SLC66A1: variants seen among roughly 807,000 people sequenced by gnomAD.
The protein encoded by SLC66A1 is lysosomal amino acid transporter 1 homolog.
SLC66A1 carries 23 observed loss-of-function variants against 33.0 expected under a neutral mutation model. The ratio of observed to expected loss-of-function variants is 0.70; its 90% CI spans 0.50 to 0.99. The LOEUF (loss-of-function observed/expected upper bound fraction) is 0.99, where lower values mean the gene tolerates loss of function less well. Ranked by LOEUF, SLC66A1 falls within the 50% of genes least tolerant of loss-of-function variation. The pLI, the probability that SLC66A1 is intolerant of heterozygous loss-of-function variation, is 0.00. For missense variants in SLC66A1, 335 were observed against 383.6 expected (o/e 0.87, Z 1.06); for synonymous variants, 164 against 175.5 (o/e 0.93, Z 0.52).
In SLC66A1 at chr1:19,321,279, A is replaced by G. The variant is rs573710234; in HGVS notation, c.165-3354A>G. 2.8e-5 allele frequency among the ~76,000 whole-genome samples: 4 copies of G among 142,534 alleles called. No individual in the cohort carries two copies. The Admixed American group carries it at 2.9e-4, about 10-fold the overall frequency. The allele number at this position is 142,534 out of a possible 152,430, so 93.5% of individuals were successfully genotyped here. On this transcript the variant is annotated intron_variant, in intron 2 of 7. Coordinates refer to ENST00000375153, the MANE Select transcript of SLC66A1 (RefSeq NM_001040125.2). ...CAACCTTGACCTTCTGCGCTCAAGC[A>G]GTCCTCCCACCTCAGCCTCTTGAGT...
chr1:19,318,829 A>G (rs1241867148), intron 2 of SLC66A1, among the ~76,000 whole-genome samples: 1 of 151,496 alleles, frequency 6.6e-6, no homozygotes, highest in African/African-American at 2.4e-5. Flanking sequence ...AAAAGAAGGG[A>G]GTTGGAGGTG....
At chr1:19,327,741 AC>A (rs1292353587) in intron 7 of SLC66A1, 1 of 476,358 alleles carries the variant, frequency 2.1e-6, no homozygotes, top group African/African-American at 3.2e-5. Context: ...GCAGAGAAAA[AC>A]AACAAGAGCG....
chr1:19,327,751 C>T (rs1054396480), intron 7 of SLC66A1: 77 of 467,078 alleles, frequency 1.6e-4, no homozygotes, highest in Non-Finnish European at 1.5e-4. Context: ...ACAACAAGAG[C>T]GTCTAGCCAG....
chr1:19,322,868 A>G (rs1453721621), intron 2 of SLC66A1, among the ~76,000 whole-genome samples: 1 of 146,626 alleles, frequency 6.8e-6, no homozygotes, highest in Non-Finnish European at 1.5e-5. Context: ...TTAGTTTTTT[A>G]TTTGTTATTA....
rs2093783542 is a variant in SLC66A1 at position 19,312,725 on chromosome 1, A to G, written c.-243A>G. 6.6e-6 allele frequency: 1 copy of G among 152,638 alleles called. No individual in the cohort carries two copies. The highest frequency in any genetic ancestry group is 1.5e-5 in the Non-Finnish European group (1 of 68,072). 9.5% of individuals were successfully genotyped at this position (152,638 alleles called of 1,614,324 possible). On this transcript the variant is annotated 5_prime_UTR_variant, in exon 1 of 8. Transcript: ENST00000375153. ...AGCTGTCCTATCATTATCCCTCCAA[A>G]CAGGCGGCCCGCGCCGGGCTGAGTC...
Position 19,325,562 on chromosome 1 carries a change from T to G in SLC66A1, c.362T>G (p.Phe121Cys). ...CTGACGCTGTACTTTTACTACAAGT[T>G]CAGGACGCGCCCCTCTCTGTGTGAG... ...VMLTLYFYYKFRTRPSLLSAP... is the reference protein window; with the variant it reads ...VMLTLYFYYKCRTRPSLLSAP... The change falls in exon 4 of 8, where the codon TTC (phenylalanine) becomes TGC (cysteine). Residue 121 changes from phenylalanine (F) to cysteine (C), a missense_variant. By Grantham distance (205) the Phe-to-Cys change is radical. Transcript: ENST00000375153. 1.2e-6 allele frequency: 2 copies of G among 1,603,708 alleles called. No homozygotes were observed. The highest frequency in any genetic ancestry group is 1.7e-6 in the Non-Finnish European group (2 of 1,172,236).
chr1:19,327,748 G>A, intron 7 of SLC66A1: 1 of 473,838 alleles, frequency 2.1e-6, no homozygotes, highest in East Asian at 5.5e-5. Flanking sequence ...AAAACAACAA[G>A]AGCGTCTAGC....
intron 7 of SLC66A1, 147 bp downstream of exon 7, chr1:19,327,559 CTG>C: frequency 9.8e-7 from 1 of 1,016,108 alleles, no homozygotes; most frequent in Non-Finnish European, 1.5e-6. Context: ...CTCCCTCCAT[CTG>C]TTCACCCAGT....
In SLC66A1 at chr1:19,326,401, G is replaced by A. The variant is rs539108315; in HGVS notation, c.525+14G>A. The A allele has an allele frequency of 6.1e-5, 98 of 1,605,776 alleles. No homozygotes were observed. The highest frequency in any genetic ancestry group is 4.9e-4 in the South Asian group (44 of 90,468). On this transcript the variant is annotated intron_variant, in intron 5 of 7. Transcript: ENST00000375153. ...TCGGGCAGCAAGGTGAGGCGTGGGC[G>A]TGGCGGTCGAAGGGATGGAGGCTGG... is the stretch of plus-strand genomic sequence containing the variant.
chr1:19,316,536 G>A (rs967204349), intron 1 of SLC66A1, among the ~76,000 whole-genome samples: 11 of 150,736 alleles, frequency 7.3e-5, no homozygotes, highest in Non-Finnish European at 1.2e-4. Flanking sequence ...GACTACAAGC[G>A]TGTGCCACCA....
chr1:19,324,232 G>T (rs966319572), intron 2 of SLC66A1, among the ~76,000 whole-genome samples: 33 of 152,248 alleles, frequency 2.2e-4, no homozygotes, highest in African/African-American at 8.0e-4. Context: ...CACTGTTCTT[G>T]TTGCAATGCC....
rs930829113 is a variant in SLC66A1 at position 19,327,482 on chromosome 1, A to G, written c.804+70A>G. 3.3e-6 allele frequency: 5 copies of G among 1,509,158 alleles called. No individual in the cohort carries two copies. In the African/African-American group the frequency reaches 6.9e-5, roughly 21 times the overall value. 93.5% of individuals were successfully genotyped at this position (1,509,158 alleles called of 1,614,324 possible). A position where few individuals can be genotyped will look rare whatever the true frequency, so the allele number is the denominator to read the frequency against. On this transcript the variant is annotated intron_variant, in intron 7 of 7. Coordinates refer to ENST00000375153, the MANE Select transcript of SLC66A1 (RefSeq NM_001040125.2). ...GAAGCTTCTGCCTGCACACAGCGTC[A>G]GCACTCATCCGTCTCTTCCTCCCTT...
rs12062013 is a variant in SLC66A1, at chr1:19,328,992, C to G, written c.*349C>G. On this transcript the variant is annotated 3_prime_UTR_variant, in exon 8 of 8. Transcript: ENST00000375153. The surrounding 1 kb of genome is among the most constrained non-coding windows in gnomAD (Gnocchi z 4.7). ...AATAAACAGGCCGGGTACAGTGGCT[C>G]GCACCTGTAATCCTAGCACTTTGGG... 2.9e-6 allele frequency: 1 copy of G among 339,488 alleles called. No individual in the cohort carries two copies. The highest frequency in any genetic ancestry group is 5.5e-6 in the Non-Finnish European group (1 of 182,788). The allele number at this position is 339,488 out of a possible 1,614,324, so 21.0% of individuals were successfully genotyped here.
chr1:19,317,155 T>C (rs1558145934), intron 1 of SLC66A1, among the ~76,000 whole-genome samples: 1 of 152,084 alleles, frequency 6.6e-6, no homozygotes, highest in Non-Finnish European at 1.5e-5. Flanking sequence ...AGGAATACCC[T>C]AAGTGTTCAA....
intron 3 of SLC66A1, 79 bp downstream of exon 3, chr1:19,324,841 T>TCACC: frequency 6.5e-7 from 1 of 1,540,726 alleles, no homozygotes; most frequent in Non-Finnish European, 8.8e-7. Context: ...GATGCCAGGC[T>TCACC]CTTTGGCCCG....
rs71577887 is a variant in SLC66A1 at position 19,321,169 on chromosome 1, CTTTTT to C, written c.164+3346_164+3350del. On this transcript the variant is annotated intron_variant, in intron 2 of 7. Transcript: ENST00000375153. ...TAACAAAGATTTATCCTTATCTCTT[CTTTTT>C]TTTTTTTTTTTTTTTTTGAGACACG... is the stretch of plus-strand genomic sequence containing the variant. Among the ~76,000 whole-genome samples, 21 of 82,102 alleles carry C rather than the reference CTTTTT, an allele frequency of 2.6e-4. 1 individual carries two copies. Among genetic ancestry groups the C allele is most frequent in the African/African-American group, 1.1e-3 (20 of 18,798 alleles). 53.9% of individuals were successfully genotyped at this position (82,102 alleles called of 152,430 possible).
chr1:19,330,860 C>T (rs936086001), downstream of SLC66A1, among the ~76,000 whole-genome samples: 1 of 152,206 alleles, frequency 6.6e-6, no homozygotes, highest in Non-Finnish European at 1.5e-5. Context: ...GAGGGCCAGT[C>T]TCCCCTGCCC....
At chr1:19,320,857 C>T (rs1046438650) in intron 2 of SLC66A1, among the ~76,000 whole-genome samples, 1 of 149,538 alleles carries the variant, frequency 6.7e-6, no homozygotes, top group Non-Finnish European at 1.5e-5. Context: ...GGACTACAGG[C>T]GCCTCCCACC....
intron 1 of SLC66A1, among the ~76,000 whole-genome samples, chr1:19,316,411 G>T (rs1046971040): frequency 6.6e-6 from 1 of 151,392 alleles, no homozygotes; most frequent in East Asian, 1.9e-4. Flanking sequence ...TTAAGACAGG[G>T]TTCAGCTCTG....
Sources: allele counts gnomAD v4.1 joint callset (sites outside exome capture counted in the v4.1 genomes callset), GRCh38; gene constraint gnomAD v4.1.1; non-coding constraint Gnocchi (gnomAD v3.1); transcripts MANE v1.5; gene names NCBI Gene and HGNC (gene_info 2026-07-23, HGNC 2026-07-21).